C12orf75: variants seen among roughly 807,000 people sequenced by gnomAD.
C12orf75 encodes the protein overexpressed in colon carcinoma 1 protein.
A neutral mutation model predicts 11.4 loss-of-function variants in C12orf75; 4 were observed. That is an observed-to-expected ratio of 0.35 (90% CI 0.17 to 0.80). The LOEUF is 0.80. Ranked by LOEUF, C12orf75 falls within the 30% of genes least tolerant of loss-of-function variation. The pLI is 0.52. For synonymous variants in C12orf75, 30 were observed against 30.0 expected (o/e 1.00, Z 0.00); for missense variants, 89 against 80.4 (o/e 1.11, Z -0.41).
chr12:105,369,543 C>T (rs1871571793), intron 5 of C12orf75, among the ~76,000 whole-genome samples: 1 of 152,100 alleles, frequency 6.6e-6, no homozygotes, highest in Non-Finnish European at 1.5e-5. Context: ...CTGCACCTAT[C>T]AACCCATCAT....
intron 1 of C12orf75, 71 bp downstream of exon 1, chr12:105,331,008 T>A (rs1216297168): frequency 2.1e-6 from 2 of 964,656 alleles, no homozygotes; most frequent in Admixed American, 4.3e-5. Flanking sequence ...GGTGCAGGGA[T>A]CTTGGGTGGG....
chr12:105,366,836 C>T (rs542207646), intron 4 of C12orf75, 140 bp downstream of exon 4: 5 of 512,484 alleles, frequency 9.8e-6, no homozygotes, highest in Non-Finnish European at 1.7e-5. Context: ...ACTGTCTGTT[C>T]ATTGCAGTCA....
chr12:105,355,851 A>C (rs73181875), intron 2 of C12orf75, among the ~76,000 whole-genome samples: 1,387 of 21,876 alleles, frequency 0.063, 13 homozygotes, highest in Non-Finnish European at 0.077. Context: ...GCCCCTTAGT[A>C]AGAGAATAAC....
chr12:105,339,837 G>C (rs1183753317), intron 1 of C12orf75, among the ~76,000 whole-genome samples: 2 of 151,746 alleles, frequency 1.3e-5, no homozygotes, highest in East Asian at 3.9e-4. Flanking sequence ...AGCTAGGATG[G>C]TCTCGATCTC....
intron 1 of C12orf75, among the ~76,000 whole-genome samples, chr12:105,333,319 C>T (rs1190333902): frequency 1.3e-5 from 2 of 152,178 alleles, no homozygotes; most frequent in African/African-American, 4.8e-5. Context: ...AAATAAACCA[C>T]AATGCAAAGG....
intron 1 of C12orf75, among the ~76,000 whole-genome samples, chr12:105,338,520 C>T (rs1592876473): frequency 6.6e-6 from 1 of 152,088 alleles, no homozygotes; most frequent in Non-Finnish European, 1.5e-5. Context: ...TGTCTTAGTT[C>T]ATTTTTGTGT....
intron 2 of C12orf75, among the ~76,000 whole-genome samples, chr12:105,357,320 T>C (rs914413488): frequency 1.3e-5 from 2 of 152,218 alleles, no homozygotes; most frequent in Non-Finnish European, 2.9e-5. Context: ...AAGCCATCCA[T>C]CTGTAATCTT....
At chr12:105,356,554 CTT>C (rs1336876570) in intron 2 of C12orf75, among the ~76,000 whole-genome samples, 1 of 142,648 alleles carries the variant, frequency 7.0e-6, no homozygotes, top group African/African-American at 2.6e-5. Context: ...TGCCACATAA[CTT>C]TGTTAGTTCT....
intron 1 of C12orf75, among the ~76,000 whole-genome samples, chr12:105,344,190 A>T (rs1443933354): frequency 2.0e-5 from 3 of 152,072 alleles, no homozygotes; most frequent in Non-Finnish European, 4.4e-5. Flanking sequence ...CTCATTTCTC[A>T]TTTCACACAC....
intron 2 of C12orf75, among the ~76,000 whole-genome samples, chr12:105,351,230 A>T (rs537781477): frequency 3.0e-4 from 46 of 152,016 alleles, no homozygotes; most frequent in Non-Finnish European, 5.1e-4. Context: ...GCACATTAAA[A>T]TTTTTTTTTA....
At chr12:105,357,803 TGTGTGA>T (rs1277961180) in intron 2 of C12orf75, among the ~76,000 whole-genome samples, 3 of 147,012 alleles carry the variant, frequency 2.0e-5, no homozygotes, top group African/African-American at 7.6e-5. Context: ...TGTGTGTGTG[TGTGTGA>T]GAGAGAGAGA....
At chr12:105,343,371 A>G (rs1892596817) in intron 1 of C12orf75, among the ~76,000 whole-genome samples, 1 of 152,250 alleles carries the variant, frequency 6.6e-6, no homozygotes, top group African/African-American at 2.4e-5. Context: ...ATTAGGATGA[A>G]TGATGTATCC....
Position 105,335,211 on chromosome 12 carries a change from G to A in C12orf75, c.46+4274G>A, listed in dbSNP as rs190152297. Among the ~76,000 whole-genome samples the A allele has an allele frequency of 3.0e-4, 45 of 152,290 alleles. No homozygotes were observed. In the East Asian group the frequency reaches 8.1e-3, roughly 27 times the overall value. ...CTATTTTATCAGTGTATCCCAGGGA[G>A]TTAATACAATCCTTTTGGGCCCAAT... is the stretch of plus-strand genomic sequence containing the variant. On this transcript the variant is annotated intron_variant, in intron 1 of 5. Transcript: ENST00000443585.
chr12:105,364,039 T>TA (rs1871384990), intron 2 of C12orf75, among the ~76,000 whole-genome samples: 1 of 152,184 alleles, frequency 6.6e-6, no homozygotes, highest in Admixed American at 6.5e-5. Flanking sequence ...AGAATTAAAA[T>TA]AAACGGATAT....
chr12:105,333,949 C>T (rs551431393), intron 1 of C12orf75, among the ~76,000 whole-genome samples: 3 of 152,270 alleles, frequency 2.0e-5, no homozygotes, highest in African/African-American at 4.8e-5. Flanking sequence ...AATTGTTTCC[C>T]CTTTCCCTGA....
intron 5 of C12orf75, among the ~76,000 whole-genome samples, chr12:105,369,958 GTTGT>G (rs1291758935): frequency 1.3e-5 from 2 of 152,130 alleles, no homozygotes; most frequent in Admixed American, 1.3e-4. Flanking sequence ...TGTTGTTGTT[GTTGT>G]TTGTTTGTTT....
At position 105,370,888 on chromosome 12, in the gene C12orf75, C is replaced by T. The variant is rs141637615; in HGVS notation, c.*288C>T. ...TGTCATGGAGGCTGTTGTTGCCCAG[C>T]CAGGGCCGCTGCATTTTGACAACAT... On this transcript the variant is annotated 3_prime_UTR_variant, in exon 6 of 6. Coordinates refer to ENST00000443585, the MANE Select transcript of C12orf75 (RefSeq NM_001145199.2). 508 of 331,918 alleles carry T rather than the reference C, an allele frequency of 1.5e-3. 12 individuals carry two copies. In the Admixed American group the frequency reaches 0.018, roughly 12 times the overall value. The allele number at this position is 331,918 out of a possible 1,614,324, so 20.6% of individuals were successfully genotyped here. A position where few individuals can be genotyped will look rare whatever the true frequency, so the allele number is the denominator to read the frequency against.
chr12:105,332,248 A>T (rs935282515), intron 1 of C12orf75, among the ~76,000 whole-genome samples: 1 of 152,160 alleles, frequency 6.6e-6, no homozygotes, highest in Non-Finnish European at 1.5e-5. Flanking sequence ...GGCCGTATGC[A>T]ATCCACTGCA....
intron 2 of C12orf75, among the ~76,000 whole-genome samples, chr12:105,359,790 A>G (rs1296040985): frequency 6.6e-6 from 1 of 151,786 alleles, no homozygotes; most frequent in Admixed American, 6.6e-5. Context: ...AAAAAAAAAA[A>G]AAGATTACGA....
Sources: gnomAD v4.1 joint callset for allele counts (sites outside exome capture counted in the v4.1 genomes callset) on GRCh38, gnomAD v4.1.1 for gene constraint, MANE v1.5 for transcripts, NCBI Gene and HGNC (gene_info 2026-07-23, HGNC 2026-07-21) for gene names.